RTCA: variants seen among roughly 807,000 people sequenced by gnomAD.
The protein encoded by RTCA is RNA 3'-terminal phosphate cyclase.
In RTCA, 37 loss-of-function variants were observed where a neutral mutation model predicts 46.1. The ratio of observed to expected loss-of-function variants is 0.80; its 90% CI spans 0.62 to 1.06. The LOEUF (loss-of-function observed/expected upper bound fraction) is 1.06. RTCA is among the 50% of genes least tolerant of loss of function. The pLI is 0.00. For missense variants in RTCA, 435 were observed against 455.5 expected, an observed-to-expected ratio of 0.95 and a Z score of 0.41; for synonymous variants, 164 against 158.3, an observed-to-expected ratio of 1.04 and a Z score of -0.27.
intron 7 of RTCA, among the ~76,000 whole-genome samples, chr1:100,276,325 G>A (rs1201101181): frequency 6.6e-6 from 1 of 152,134 alleles, no homozygotes; most frequent in Non-Finnish European, 1.5e-5. Context: ...ATTTCCAGTT[G>A]CATAAAATAC....
intron 5 of RTCA, among the ~76,000 whole-genome samples, chr1:100,273,922 T>C (rs1336986600): frequency 1.3e-5 from 2 of 152,266 alleles, no homozygotes; most frequent in African/African-American, 4.8e-5. Context: ...TTAAGTGCTT[T>C]GAAGTCTTGC....
intron 4 of RTCA, 49 bp from the exon 5 acceptor site, chr1:100,273,345 A>G (rs1342024907): frequency 8.1e-7 from 1 of 1,227,542 alleles, no homozygotes; most frequent in East Asian, 2.4e-5. Flanking sequence ...CACTTGTTAA[A>G]TTAGTGAATA....
chr1:100,283,481 T>A (rs1268585669), intron 8 of RTCA, among the ~76,000 whole-genome samples: 3 of 152,136 alleles, frequency 2.0e-5, no homozygotes, highest in Non-Finnish European at 2.9e-5. Context: ...CAAAATTTTT[T>A]AAAAATCCAA....
chr1:100,289,883 A>G (rs148698760), intron 10 of RTCA, among the ~76,000 whole-genome samples: 59 of 152,328 alleles, frequency 3.9e-4, no homozygotes, highest in Non-Finnish European at 6.6e-4. Flanking sequence ...TAGGCCTGCT[A>G]TGCTCCTTTC....
In RTCA at chr1:100,266,300, C is replaced by T. The variant is rs539030589; in HGVS notation, c.-76C>T. On this transcript the variant is annotated 5_prime_UTR_variant, in exon 1 of 11. Coordinates refer to ENST00000370128, the MANE Select transcript of RTCA (RefSeq NM_003729.4). ...GAACCAAGGTTTCTGAACTACTGGGCGGGAGCCAACGTCTCTTCTTTCTCC... is the reference window on the plus strand; with the variant it reads ...GAACCAAGGTTTCTGAACTACTGGGTGGGAGCCAACGTCTCTTCTTTCTCC... 36 of 1,564,808 alleles carry T rather than the reference C, an allele frequency of 2.3e-5. No individual in the cohort carries two copies. Among genetic ancestry groups the T allele is most frequent in the African/African-American group, 4.1e-5 (3 of 72,544 alleles).
chr1:100,268,053 G>C, intron 2 of RTCA, 99 bp from the exon 3 acceptor site: 1 of 1,533,728 alleles, frequency 6.5e-7, no homozygotes, highest in Non-Finnish European at 8.8e-7. Flanking sequence ...GTTAGACCTT[G>C]CTGTTTTCTT....
At chr1:100,272,954 A>G (rs1189506745) in intron 4 of RTCA, among the ~76,000 whole-genome samples, 1 of 152,198 alleles carries the variant, frequency 6.6e-6, no homozygotes, top group African/African-American at 2.4e-5. Context: ...GAATAATTTT[A>G]TGATGTCAGG....
At chr1:100,274,788 A>G (rs1557975131) in intron 5 of RTCA, 36 bp from the exon 6 acceptor site, 1 of 1,564,532 alleles carries the variant, frequency 6.4e-7, no homozygotes, top group East Asian at 2.3e-5. Context: ...TTGTCATGCA[A>G]TCAGTTTATG....
At chr1:100,282,563 C>G (rs1276900713) in intron 8 of RTCA, among the ~76,000 whole-genome samples, 1 of 152,138 alleles carries the variant, frequency 6.6e-6, no homozygotes, top group East Asian at 1.9e-4. Flanking sequence ...TAAATGCCTC[C>G]TTAGCAAAGG....
chr1:100,287,251 A>G (rs369719492), intron 10 of RTCA, 48 bp downstream of exon 10: 91 of 1,403,084 alleles, frequency 6.5e-5, no homozygotes, highest in Admixed American at 7.5e-5. Context: ...TTTTTATTTT[A>G]GCCAATTTTG....
Position 100,291,609 on chromosome 1 carries a change from T to A in RTCA, c.*105T>A. On this transcript the variant is annotated 3_prime_UTR_variant, in exon 11 of 11. Coordinates refer to ENST00000370128, the MANE Select transcript of RTCA (RefSeq NM_003729.4). ...CTTATTAAAGGCTATGACTTAAATT[T>A]GAAGATGAAGTACAGTGTTCTAGGT... 1.4e-6 allele frequency: 1 copy of A among 704,406 alleles called. No individual in the cohort carries two copies. The highest frequency in any genetic ancestry group is 2.4e-6 in the Non-Finnish European group (1 of 418,264). The allele number at this position is 704,406 out of a possible 1,614,324, so 43.6% of individuals were successfully genotyped here.
At position 100,268,159 on chromosome 1, in the gene RTCA, C is replaced by A. The variant is rs752594616; in HGVS notation, c.154C>A (p.His52Asn). The A allele has an allele frequency of 5.0e-6, 8 of 1,614,108 alleles. No individual in the cohort carries two copies. Among genetic ancestry groups the A allele is most frequent in the Non-Finnish European group, 6.8e-6 (8 of 1,180,002 alleles). The change falls in exon 3 of 11, where the codon CAT (histidine) becomes AAT (asparagine). Residue 52 changes from histidine to asparagine, a missense_variant. Physicochemically the swap from His to Asn is moderately conservative, Grantham distance 68. Transcript: ENST00000370128. The part of the protein sequence containing the change: ...GRSTPGLRPQ[H>N]LSGLEMIRDL... ...CAGTATTATGACCTGAAGGCCTCAA[C>A]ATTTATCTGGACTGGAAATGATTCG...
At chr1:100,270,860 T>A (rs1437241312) in intron 4 of RTCA, among the ~76,000 whole-genome samples, 180 bp downstream of exon 4, 3 of 151,728 alleles carry the variant, frequency 2.0e-5, no homozygotes, top group Non-Finnish European at 4.4e-5. Flanking sequence ...GGAGTACAGT[T>A]GCATATCACA....
chr1:100,268,409 T>G (rs546103470), intron 3 of RTCA, 114 bp downstream of exon 3: 1 of 902,840 alleles, frequency 1.1e-6, no homozygotes, highest in African/African-American at 1.7e-5. Flanking sequence ...TTATGTTTTT[T>G]TTTTTTGAGA....
intron 8 of RTCA, among the ~76,000 whole-genome samples, chr1:100,280,661 A>G (rs1666660241): frequency 6.6e-6 from 1 of 152,178 alleles, no homozygotes; most frequent in Non-Finnish European, 1.5e-5. Context: ...CATGACCTCT[A>G]TTATCCAGAT....
At chr1:100,288,287 T>C (rs1667141124) in intron 10 of RTCA, among the ~76,000 whole-genome samples, 1 of 152,216 alleles carries the variant, frequency 6.6e-6, no homozygotes, top group South Asian at 2.1e-4. Flanking sequence ...TACAACTTCA[T>C]TTCTTGCTTA....
In RTCA at chr1:100,275,710, G is replaced by A. The variant is rs774774818; in HGVS notation, c.727G>A (p.Gly243Arg). 2 of 1,609,500 alleles carry A rather than the reference G, an allele frequency of 1.2e-6. No homozygotes were observed. The highest frequency in any genetic ancestry group is 1.7e-6 in the Non-Finnish European group (2 of 1,177,864). The change falls in exon 7 of 11, where the codon GGA becomes AGA. Residue 243 changes from glycine (G) to arginine (R), a missense_variant. Coordinates refer to ENST00000370128, the MANE Select transcript of RTCA (RefSeq NM_003729.4). Reference protein sequence around the residue: ...QEPKDQAFGNGNGIIIIAETS... With the variant: ...QEPKDQAFGNRNGIIIIAETS... ...ACCTAAAGACCAAGCATTTGGCAAT[G>A]GAAATGGAATAATGTGAGACAATAC...
chr1:100,290,163 A>G (rs1429523177), intron 10 of RTCA, among the ~76,000 whole-genome samples: 1 of 152,226 alleles, frequency 6.6e-6, no homozygotes, highest in Non-Finnish European at 1.5e-5. Flanking sequence ...TTCATTCAGT[A>G]AGGCCCCCAA....
At chr1:100,289,399 T>C (rs1419719399) in intron 10 of RTCA, among the ~76,000 whole-genome samples, 1 of 152,152 alleles carries the variant, frequency 6.6e-6, no homozygotes, top group Non-Finnish European at 1.5e-5. Context: ...CACCTCAGCT[T>C]CCCAAATGCC....
Sources: gnomAD v4.1 joint callset for allele counts (sites outside exome capture counted in the v4.1 genomes callset) on GRCh38, gnomAD v4.1.1 for gene constraint, MANE v1.5 for transcripts, NCBI Gene and HGNC (gene_info 2026-07-23, HGNC 2026-07-21) for gene names.